MTUS2: variants seen among roughly 807,000 people sequenced by gnomAD.
The protein encoded by MTUS2 is microtubule associated scaffold protein 2, also known as microtubule-associated tumor suppressor candidate 2.
MTUS2 carries 40 observed loss-of-function variants against 114.1 expected under a neutral mutation model. The ratio of observed to expected loss-of-function variants is 0.35; its 90% CI spans 0.27 to 0.46. The LOEUF (loss-of-function observed/expected upper bound fraction) is 0.46. Ranked by LOEUF, MTUS2 falls within the 20% of genes least tolerant of loss-of-function variation. MTUS2 has a pLI of 1.00. For synonymous variants in MTUS2, 688 were observed against 672.0 expected, an observed-to-expected ratio of 1.02 and a Z score of -0.37; for missense variants, 1,679 against 1,705.4, an observed-to-expected ratio of 0.98 and a Z score of 0.27.
intron 4 of MTUS2, among the ~76,000 whole-genome samples, chr13:29,069,730 C>T (rs1370337262): frequency 6.6e-6 from 1 of 152,232 alleles, no homozygotes; most frequent in Non-Finnish European, 1.5e-5. Flanking sequence ...AAATCCATAA[C>T]TAATTCGAAG....
At chr13:29,262,007 T>C (rs2139466527) in intron 5 of MTUS2, among the ~76,000 whole-genome samples, 1 of 152,358 alleles carries the variant, frequency 6.6e-6, no homozygotes, top group Middle Eastern at 3.4e-3. Context: ...AATTTTCTCC[T>C]ATGTGAATGT....
At chr13:29,059,078 CCT>C (rs1888282649) in intron 4 of MTUS2, among the ~76,000 whole-genome samples, 2 of 152,076 alleles carry the variant, frequency 1.3e-5, no homozygotes, top group Non-Finnish European at 2.9e-5. Context: ...GCCTTCTCAG[CCT>C]GGTTAAGAAT....
At chr13:29,074,008 C>T (rs1889067763) in intron 4 of MTUS2, among the ~76,000 whole-genome samples, 1 of 152,176 alleles carries the variant, frequency 6.6e-6, no homozygotes, top group African/African-American at 2.4e-5. Flanking sequence ...TTCCTGCTCT[C>T]AGAACACCAG....
chr13:28,974,704 A>G (rs1399032741), intron 2 of MTUS2, among the ~76,000 whole-genome samples: 1 of 152,194 alleles, frequency 6.6e-6, no homozygotes, highest in Admixed American at 6.5e-5. Flanking sequence ...TCTGAGTTAA[A>G]AAACATACTT....
intron 4 of MTUS2, among the ~76,000 whole-genome samples, chr13:29,078,044 T>A (rs190313708): frequency 6.6e-6 from 1 of 150,776 alleles, no homozygotes; most frequent in East Asian, 1.9e-4. Flanking sequence ...CAACACATCT[T>A]TTAAAAGTTC....
At chr13:29,126,102 T>A (rs1891502856) in intron 5 of MTUS2, among the ~76,000 whole-genome samples, 1 of 152,202 alleles carries the variant, frequency 6.6e-6, no homozygotes, top group Non-Finnish European at 1.5e-5. Context: ...GTGAACTACT[T>A]TGACACGCAT....
At chr13:28,839,377 G>A (rs752921166) in intron 1 of MTUS2, among the ~76,000 whole-genome samples, 4 of 152,102 alleles carry the variant, frequency 2.6e-5, no homozygotes, top group Non-Finnish European at 2.9e-5. Flanking sequence ...CAAAATGGAC[G>A]TGATTATTCA....
chr13:29,317,404 T>A lies in MTUS2; in HGVS notation c.2807-7209T>A, dbSNP rs77629479. Among the ~76,000 whole-genome samples the A allele has an allele frequency of 9.6e-3, 1,459 of 151,910 alleles. 32 individuals carry two copies. Among genetic ancestry groups the A allele is most frequent in the African/African-American group, 0.033 (1,344 of 41,198 alleles). ...AGTCCTTGCATCTAACTCTCCTGAGTTCGCTTGTGCGCGCGCTCTCTCTCT... is the reference window on the plus strand; with the variant it reads ...AGTCCTTGCATCTAACTCTCCTGAGATCGCTTGTGCGCGCGCTCTCTCTCT... On this transcript the variant is annotated intron_variant, in intron 6 of 15. Coordinates refer to ENST00000612955, the MANE Select transcript of MTUS2 (RefSeq NM_001033602.4).
In MTUS2 at chr13:29,389,375, A is replaced by ATATG. The variant is rs1566172694; in HGVS notation, c.3117+29905_3117+29906insGTAT. 3.3e-4 allele frequency among the ~76,000 whole-genome samples: 12 copies of ATATG among 36,600 alleles called. 1 individual carries two copies. The highest frequency in any genetic ancestry group is 8.4e-4 in the African/African-American group (12 of 14,228). The allele number at this position is 36,600 out of a possible 152,430, so 24.0% of individuals were successfully genotyped here. A position where few individuals can be genotyped will look rare whatever the true frequency, so the allele number is the denominator to read the frequency against. On this transcript the variant is annotated intron_variant, in intron 8 of 15. Coordinates refer to ENST00000612955, the MANE Select transcript of MTUS2 (RefSeq NM_001033602.4). The stretch of plus-strand genomic sequence containing the variant: ...TGTATATATGTATGCACGTGTGTGT[A>ATATG]TATATGTATACACGTGTGTGTATAT...
intron 2 of MTUS2, among the ~76,000 whole-genome samples, chr13:28,919,904 A>G (rs1244105024): frequency 6.6e-6 from 1 of 152,114 alleles, no homozygotes; most frequent in African/African-American, 2.4e-5. Flanking sequence ...CTAGAATTTC[A>G]GCTTTGTTCT....
chr13:29,098,871 T>C (rs978384098), intron 4 of MTUS2, among the ~76,000 whole-genome samples: 3 of 152,236 alleles, frequency 2.0e-5, no homozygotes, highest in African/African-American at 7.2e-5. Context: ...TTTGTTCATA[T>C]TCTCCTCACT....
chr13:28,826,252 A>G (rs1030065048), intron 1 of MTUS2, among the ~76,000 whole-genome samples: 2 of 152,234 alleles, frequency 1.3e-5, no homozygotes, highest in African/African-American at 2.4e-5. Context: ...ATAAGTAAAT[A>G]AATCAATAAA....
At chr13:28,948,622 A>T (rs907369016) in intron 2 of MTUS2, among the ~76,000 whole-genome samples, 1 of 152,198 alleles carries the variant, frequency 6.6e-6, no homozygotes, top group African/African-American at 2.4e-5. Context: ...CATAAAATAG[A>T]TGCTTGCAAT....
At chr13:29,224,521 T>G (rs1289684241) in intron 5 of MTUS2, among the ~76,000 whole-genome samples, 1 of 152,190 alleles carries the variant, frequency 6.6e-6, no homozygotes, top group Non-Finnish European at 1.5e-5. Context: ...ATTCTAATTA[T>G]ATCTCTCCTA....
At chr13:28,907,007 G>T (rs9550415) in intron 2 of MTUS2, among the ~76,000 whole-genome samples, 1 of 151,166 alleles carries the variant, frequency 6.6e-6, no homozygotes, top group African/African-American at 2.4e-5. Context: ...AGAGAGAAAG[G>T]TCGGGTTACC....
chr13:29,502,903 C>A lies in MTUS2; in HGVS notation c.3897-90C>A. 4 of 1,315,194 alleles carry A rather than the reference C, an allele frequency of 3.0e-6. No homozygotes were observed. The South Asian group carries it at 3.8e-5, about 13-fold the overall frequency. The allele number at this position is 1,315,194 out of a possible 1,614,324, so 81.5% of individuals were successfully genotyped here. A position where few individuals can be genotyped will look rare whatever the true frequency, so the allele number is the denominator to read the frequency against. On this transcript the variant is annotated intron_variant, in intron 15 of 15. Coordinates refer to ENST00000612955, the MANE Select transcript of MTUS2 (RefSeq NM_001033602.4). Reference sequence around the variant, plus strand: ...CCTGTTCTCCCTGCGGTCATCATGGCCTCCTCCCTTTGCCCTGCACCATTG... The same window carrying A: ...CCTGTTCTCCCTGCGGTCATCATGGACTCCTCCCTTTGCCCTGCACCATTG...
intron 1 of MTUS2, among the ~76,000 whole-genome samples, chr13:28,830,699 C>G (rs914033341): frequency 1.3e-5 from 2 of 151,942 alleles, no homozygotes; most frequent in African/African-American, 4.8e-5. Context: ...ATTGAAATCT[C>G]AAAAGGAAAA....
At chr13:29,243,703 A>G (rs930055168) in intron 5 of MTUS2, among the ~76,000 whole-genome samples, 17 of 152,184 alleles carry the variant, frequency 1.1e-4, no homozygotes, top group Non-Finnish European at 2.2e-4. Flanking sequence ...GAGTAAGGAA[A>G]CAATTCAGTA....
chr13:28,885,570 T>A (rs1878544024), intron 2 of MTUS2, among the ~76,000 whole-genome samples: 3 of 152,086 alleles, frequency 2.0e-5, no homozygotes, highest in South Asian at 2.1e-4. Context: ...GAACCATGAG[T>A]TCCTGGGGTC....
Sources: allele counts gnomAD v4.1 joint callset (sites outside exome capture counted in the v4.1 genomes callset), GRCh38; gene constraint gnomAD v4.1.1; transcripts MANE v1.5; gene names NCBI Gene and HGNC (gene_info 2026-07-23, HGNC 2026-07-21).